ABCG4: variants seen among roughly 807,000 people sequenced by gnomAD.
ABCG4 encodes the protein ATP-binding cassette sub-family G member 4.
Under a neutral mutation model 64.6 loss-of-function variants are expected in ABCG4, and 35 were observed. That is an observed-to-expected ratio of 0.54 (90% CI 0.41 to 0.72). The LOEUF (loss-of-function observed/expected upper bound fraction) is 0.72, where lower values mean the gene tolerates loss of function less well. ABCG4 is among the 30% of genes least tolerant of loss of function. The pLI is 0.00. For synonymous variants in ABCG4, 326 were observed against 348.2 expected, an observed-to-expected ratio of 0.94 and a Z score of 0.71; for missense variants, 610 against 846.3, an observed-to-expected ratio of 0.72 and a Z score of 3.46.
chr11:119,149,804 G>C lies in ABCG4; in HGVS notation c.-12-150G>C. The C allele has an allele frequency of 6.4e-6, 8 of 1,251,998 alleles. No individual in the cohort carries two copies. Among genetic ancestry groups the C allele is most frequent in the Non-Finnish European group, 8.6e-6 (8 of 929,988 alleles). 77.6% of individuals were successfully genotyped at this position (1,251,998 alleles called of 1,614,324 possible). A position where few individuals can be genotyped will look rare whatever the true frequency, so the allele number is the denominator to read the frequency against. On this transcript the variant is annotated intron_variant, in intron 1 of 14. Coordinates refer to ENST00000619701, the MANE Select transcript of ABCG4 (RefSeq NM_022169.5). The surrounding 1 kb of genome is among the most constrained non-coding windows in gnomAD (Gnocchi z 8.3). ...GACTGAGCGTCTCCGTGCGGAGAGT[G>C]GGGGGCGGGGGCAGAGTGCGGGGCT...
Position 119,157,007 on chromosome 11 carries a change from G to T in ABCG4, c.1061G>T (p.Cys354Phe), listed in dbSNP as rs1410854023. The change falls in exon 9 of 15, where the codon TGT (cysteine) becomes TTT (phenylalanine). Residue 354 changes from cysteine (C) to phenylalanine (F), a missense_variant. Cys to Phe is a radical substitution (Grantham distance 205, BLOSUM62 -2). Coordinates refer to ENST00000619701, the MANE Select transcript of ABCG4 (RefSeq NM_022169.5). The part of the protein sequence containing the change: ...KNEVPAPCPP[C>F]PPEVDPIESH... ...GAGGTCCCTGCCCCATGCCCTCCTT[G>T]TCCTCCGGTGAGTAGGGGTGGAGAG... The T allele has an allele frequency of 1.2e-6, 2 of 1,606,360 alleles. No homozygotes were observed. The highest frequency in any genetic ancestry group is 2.2e-5 in the South Asian group (2 of 89,736).
At position 119,158,211 on chromosome 11, in the gene ABCG4, C is replaced by A; in HGVS notation, c.1069-23C>A. On this transcript the variant is annotated intron_variant, in intron 9 of 14. Coordinates refer to ENST00000619701, the MANE Select transcript of ABCG4 (RefSeq NM_022169.5). This position sits in a 1 kb window ranked among gnomAD's most constrained non-coding sequence, Gnocchi z 4.5. ...GTGAATGGGGTAGGCTCACCTGATC[C>A]CGATCCAATTTCTTCTTCCCAGGAA... 6.4e-7 allele frequency: 1 copy of A among 1,554,452 alleles called. No homozygotes were observed. Among genetic ancestry groups the A allele is most frequent in the South Asian group, 1.2e-5 (1 of 83,172 alleles).
chr11:119,160,968 G>A lies in ABCG4; in HGVS notation c.1803G>A (p.Glu601=), dbSNP rs749242753. 8.7e-6 allele frequency: 14 copies of A among 1,613,976 alleles called. No homozygotes were observed. The Admixed American group carries it at 1.5e-4, about 17-fold the overall frequency. ...TAGAGGAACGCTGCCCGTTCCGGGAGCCACAGAGCATCCTCCGAGCGCTGG... is the reference window on the plus strand; with the variant it reads ...TAGAGGAACGCTGCCCGTTCCGGGAACCACAGAGCATCCTCCGAGCGCTGG... ...TCLEERCPFR[E]PQSILRALDV... Residue 601 remains glutamate, a synonymous_variant, in exon 15 of 15, where the codon GAG becomes GAA. Coordinates refer to ENST00000619701, the MANE Select transcript of ABCG4 (RefSeq NM_022169.5). This position sits in a 1 kb window ranked among gnomAD's most constrained non-coding sequence, Gnocchi z 4.6.
In ABCG4 at chr11:119,149,802, GT is replaced by G; in HGVS notation, c.-12-151del. 1 of 1,253,386 alleles carries G rather than the reference GT, an allele frequency of 8.0e-7. No individual in the cohort carries two copies. Among genetic ancestry groups the G allele is most frequent in the Admixed American group, 2.8e-5 (1 of 35,850 alleles). 77.6% of individuals were successfully genotyped at this position (1,253,386 alleles called of 1,614,324 possible). On this transcript the variant is annotated intron_variant, in intron 1 of 14. Transcript: ENST00000619701. This position sits in a 1 kb window ranked among gnomAD's most constrained non-coding sequence, Gnocchi z 8.3. ...GGGACTGAGCGTCTCCGTGCGGAGA[GT>G]GGGGGGCGGGGGCAGAGTGCGGGGC...
At position 119,155,048 on chromosome 11, in the gene ABCG4, C is replaced by T; in HGVS notation, c.686+133C>T. Reference sequence around the variant, plus strand: ...CTGGGGCCAAGATAAGGGCTTCTTCCTCATCTCCACCCTTGCCAATTCTGT... The same window carrying T: ...CTGGGGCCAAGATAAGGGCTTCTTCTTCATCTCCACCCTTGCCAATTCTGT... On this transcript the variant is annotated intron_variant, in intron 6 of 14. Coordinates refer to ENST00000619701, the MANE Select transcript of ABCG4 (RefSeq NM_022169.5). This position sits in a 1 kb window ranked among gnomAD's most constrained non-coding sequence, Gnocchi z 4.5. The T allele has an allele frequency of 7.8e-7, 1 of 1,280,190 alleles. No individual in the cohort carries two copies. Among genetic ancestry groups the T allele is most frequent in the Non-Finnish European group, 1.1e-6 (1 of 930,156 alleles). The allele number at this position is 1,280,190 out of a possible 1,614,324, so 79.3% of individuals were successfully genotyped here.
At chr11:119,159,782 G>A (rs1182479534) in intron 12 of ABCG4, among the ~76,000 whole-genome samples, 3 of 152,070 alleles carry the variant, frequency 2.0e-5, no homozygotes, top group Non-Finnish European at 4.4e-5. Context: ...GCACAAGCTG[G>A]ACCTTTGGCC....
Position 119,154,485 on chromosome 11 carries a change from C to T in ABCG4, c.490-40C>T. On this transcript the variant is annotated intron_variant, in intron 4 of 14. Transcript: ENST00000619701. The surrounding 1 kb of genome is among the most constrained non-coding windows in gnomAD (Gnocchi z 7.0). Reference sequence around the variant, plus strand: ...GGCGGAGGGTTCAAGGCAGAGCTCCCTCCCACACATACTTTTCTTGCTTAC... The same window carrying T: ...GGCGGAGGGTTCAAGGCAGAGCTCCTTCCCACACATACTTTTCTTGCTTAC... The T allele has an allele frequency of 6.2e-7, 1 of 1,614,102 alleles. No homozygotes were observed. Among genetic ancestry groups the T allele is most frequent in the Non-Finnish European group, 8.5e-7 (1 of 1,180,004 alleles).
chr11:119,159,035 C>A, intron 12 of ABCG4, 106 bp downstream of exon 12: 1 of 1,075,820 alleles, frequency 9.3e-7, no homozygotes, highest in Non-Finnish European at 1.4e-6. Flanking sequence ...CTTTGCTGTC[C>A]TTCTACTCAC....
rs1948326389 is a variant in ABCG4, at chr11:119,160,166, A to C, written c.1438-61A>C. ...AGAGGCCCAGCCTTGGGTGGAGTGGAGGTCTTGGCTGCTGTGCCCCTGGCT... is the reference window on the plus strand; with the variant it reads ...AGAGGCCCAGCCTTGGGTGGAGTGGCGGTCTTGGCTGCTGTGCCCCTGGCT... On this transcript the variant is annotated intron_variant, in intron 12 of 14. Transcript: ENST00000619701. This position sits in a 1 kb window ranked among gnomAD's most constrained non-coding sequence, Gnocchi z 4.6. 1 of 1,553,838 alleles carries C rather than the reference A, an allele frequency of 6.4e-7. No individual in the cohort carries two copies. Among genetic ancestry groups the C allele is most frequent in the Non-Finnish European group, 8.8e-7 (1 of 1,140,128 alleles).
At position 119,160,668 on chromosome 11, in the gene ABCG4, T is replaced by C; in HGVS notation, c.1715+12T>C. 6.2e-7 allele frequency: 1 copy of C among 1,609,680 alleles called. No homozygotes were observed. The highest frequency in any genetic ancestry group is 1.7e-5 in the Admixed American group (1 of 59,994). ...CTCTCCTATGTCAGGTCAGTACCCC[T>C]GCCCTCCTCGTTGGCCTCTGCTCCT... On this transcript the variant is annotated intron_variant, in intron 14 of 14. Coordinates refer to ENST00000619701, the MANE Select transcript of ABCG4 (RefSeq NM_022169.5). The surrounding 1 kb of genome is among the most constrained non-coding windows in gnomAD (Gnocchi z 4.6).
Position 119,150,226 on chromosome 11 carries a change from G to A in ABCG4, c.238+23G>A. 1 of 1,604,098 alleles carries A rather than the reference G, an allele frequency of 6.2e-7. No homozygotes were observed. On this transcript the variant is annotated intron_variant, in intron 2 of 14. Transcript: ENST00000619701. The surrounding 1 kb of genome is among the most constrained non-coding windows in gnomAD (Gnocchi z 4.3). ...GGGGTAGGGAACAGCCTGGTAGGGG[G>A]AGTCCGTGGGCCCTCTCTGAGTTGC...
chr11:119,149,828 C>T lies in ABCG4; in HGVS notation c.-12-126C>T, dbSNP rs1948167268. 2.8e-5 allele frequency: 39 copies of T among 1,387,662 alleles called. No individual in the cohort carries two copies. Among genetic ancestry groups the T allele is most frequent in the Non-Finnish European group, 3.7e-5 (39 of 1,047,810 alleles). The allele number at this position is 1,387,662 out of a possible 1,614,324, so 86.0% of individuals were successfully genotyped here. Reference sequence around the variant, plus strand: ...TGGGGGGCGGGGGCAGAGTGCGGGGCTAACAGTCGCGGATCTGCCCCGAGA... The same window carrying T: ...TGGGGGGCGGGGGCAGAGTGCGGGGTTAACAGTCGCGGATCTGCCCCGAGA... On this transcript the variant is annotated intron_variant, in intron 1 of 14. Coordinates refer to ENST00000619701, the MANE Select transcript of ABCG4 (RefSeq NM_022169.5). The surrounding 1 kb of genome is among the most constrained non-coding windows in gnomAD (Gnocchi z 8.3).
rs1023525635 is a variant in ABCG4, at chr11:119,156,747, A to C, written c.925+69A>C. The C allele has an allele frequency of 6.3e-7, 1 of 1,596,050 alleles. No individual in the cohort carries two copies. The highest frequency in any genetic ancestry group is 1.7e-4 in the Middle Eastern group (1 of 6,010). On this transcript the variant is annotated intron_variant, in intron 8 of 14. Coordinates refer to ENST00000619701, the MANE Select transcript of ABCG4 (RefSeq NM_022169.5). This position sits in a 1 kb window ranked among gnomAD's most constrained non-coding sequence, Gnocchi z 5.5. ...CCGAACCTGGGGTCTCTGGTCTTGC[A>C]CTCAGGCCTCCTAGGGGTAGAGATC...
Position 119,161,076 on chromosome 11 carries a change from G to T in ABCG4, c.1911G>T (p.Val637=). 6.2e-7 allele frequency: 1 copy of T among 1,613,892 alleles called. No homozygotes were observed. Among genetic ancestry groups the T allele is most frequent in the Non-Finnish European group, 8.5e-7 (1 of 1,179,960 alleles). ...FLALRLLAYL[V]LRYRVKSER ...CCCTGCGGCTGCTGGCCTACCTTGT[G>T]CTGCGTTACCGGGTCAAGTCAGAGA... The change falls in exon 15 of 15, where the codon GTG becomes GTT. Residue 637 remains valine (V), a synonymous_variant. Coordinates refer to ENST00000619701, the MANE Select transcript of ABCG4 (RefSeq NM_022169.5).
rs1039424661 is a variant in ABCG4, at chr11:119,149,731, G to A, written c.-12-223G>A. On this transcript the variant is annotated intron_variant, in intron 1 of 14. Coordinates refer to ENST00000619701, the MANE Select transcript of ABCG4 (RefSeq NM_022169.5). This position sits in a 1 kb window ranked among gnomAD's most constrained non-coding sequence, Gnocchi z 8.3. ...GCCGCCGGGAGGAAGGAGCGATTGA[G>A]GGCTTCAAGGGGACGGGCTGGGGTC... 16 of 631,298 alleles carry A rather than the reference G, an allele frequency of 2.5e-5. No individual in the cohort carries two copies. The highest frequency in any genetic ancestry group is 4.0e-5 in the Non-Finnish European group (15 of 378,726). The allele number at this position is 631,298 out of a possible 1,614,324, so 39.1% of individuals were successfully genotyped here.
Position 119,156,321 on chromosome 11 carries a change from C to T in ABCG4, c.687-8C>T. 1 of 1,614,208 alleles carries T rather than the reference C, an allele frequency of 6.2e-7. No individual in the cohort carries two copies. The highest frequency in any genetic ancestry group is 8.5e-7 in the Non-Finnish European group (1 of 1,180,036). On this transcript the variant is annotated splice_polypyrimidine_tract_variant and splice_region_variant and intron_variant, in intron 6 of 14. Coordinates refer to ENST00000619701, the MANE Select transcript of ABCG4 (RefSeq NM_022169.5). This position sits in a 1 kb window ranked among gnomAD's most constrained non-coding sequence, Gnocchi z 5.5. ...CACGTGGCCCCCTGGTGGCCTCTCT[C>T]TGGACAGTGGTCTGGATAGCGCCTC...
rs571407889 is a variant in ABCG4, at chr11:119,156,536, C to G, written c.811-28C>G. ...AGTAGGGGTGCCTGGCCCGCTGTTC[C>G]TTCCTTACCCTTCTCTTTCTGCTGC... On this transcript the variant is annotated intron_variant, in intron 7 of 14. Transcript: ENST00000619701. This position sits in a 1 kb window ranked among gnomAD's most constrained non-coding sequence, Gnocchi z 5.5. The G allele has an allele frequency of 6.2e-7, 1 of 1,614,092 alleles. No homozygotes were observed. Among genetic ancestry groups the G allele is most frequent in the Non-Finnish European group, 8.5e-7 (1 of 1,179,970 alleles).
At chr11:119,159,513 T>C (rs984906048) in intron 12 of ABCG4, among the ~76,000 whole-genome samples, 3 of 152,208 alleles carry the variant, frequency 2.0e-5, no homozygotes, top group Admixed American at 2.0e-4. Context: ...AGTGTACCCA[T>C]CTATAAAATG....
At position 119,155,056 on chromosome 11, in the gene ABCG4, C is replaced by T; in HGVS notation, c.686+141C>T. The T allele has an allele frequency of 8.2e-7, 1 of 1,218,210 alleles. No homozygotes were observed. The highest frequency in any genetic ancestry group is 1.1e-6 in the Non-Finnish European group (1 of 877,206). The allele number at this position is 1,218,210 out of a possible 1,614,324, so 75.5% of individuals were successfully genotyped here. A position where few individuals can be genotyped will look rare whatever the true frequency, so the allele number is the denominator to read the frequency against. On this transcript the variant is annotated intron_variant, in intron 6 of 14. Coordinates refer to ENST00000619701, the MANE Select transcript of ABCG4 (RefSeq NM_022169.5). The surrounding 1 kb of genome is among the most constrained non-coding windows in gnomAD (Gnocchi z 4.5). ...AAGATAAGGGCTTCTTCCTCATCTCCACCCTTGCCAATTCTGTTGCTGTGA... is the reference window on the plus strand; with the variant it reads ...AAGATAAGGGCTTCTTCCTCATCTCTACCCTTGCCAATTCTGTTGCTGTGA...
Sources: allele counts gnomAD v4.1 joint callset (sites outside exome capture counted in the v4.1 genomes callset), GRCh38; gene constraint gnomAD v4.1.1; non-coding constraint Gnocchi (gnomAD v3.1); transcripts MANE v1.5; gene names NCBI Gene and HGNC (gene_info 2026-07-23, HGNC 2026-07-21).